The following LARS2 variants were observed in gnomAD, a reference collection of about 807,000 sequenced individuals.
LARS2 encodes leucine--tRNA ligase, mitochondrial.
LARS2 carries 81 observed loss-of-function variants against 116.6 expected under a neutral mutation model. The ratio of observed to expected loss-of-function variants is 0.69; its 90% CI spans 0.58 to 0.84. The LOEUF is 0.84. Ranked by LOEUF, LARS2 falls within the 40% of genes least tolerant of loss-of-function variation. The probability of loss-of-function intolerance (pLI) is 0.00; values close to 1 mark genes in which losing one functional copy is unlikely to be tolerated. For missense variants in LARS2, 968 were observed against 1,114.5 expected, an observed-to-expected ratio of 0.87 and a Z score of 1.87; for synonymous variants, 396 against 407.2, an observed-to-expected ratio of 0.97 and a Z score of 0.33.
intron 6 of LARS2, among the ~76,000 whole-genome samples, chr3:45,442,769 TCC>T (rs2125701634): frequency 6.6e-6 from 1 of 152,314 alleles, no homozygotes; most frequent in Non-Finnish European, 1.5e-5. Flanking sequence ...CCTCCATCTT[TCC>T]ACTTTTGCTC....
chr3:45,431,705 C>CA (rs35013437), intron 6 of LARS2, among the ~76,000 whole-genome samples: 34,816 of 137,198 alleles, frequency 0.25, 4,257 homozygotes, highest in Middle Eastern at 0.39. Flanking sequence ...ATTTTACTAC[C>CA]AAAAAAAAAA....
intron 16 of LARS2, 135 bp downstream of exon 16, chr3:45,513,370 C>CT: frequency 1.5e-6 from 1 of 659,884 alleles, no homozygotes; most frequent in Non-Finnish European, 2.7e-6. Flanking sequence ...TGTGAGGTCT[C>CT]TAAGCCTCAG....
intron 8 of LARS2, among the ~76,000 whole-genome samples, chr3:45,461,996 T>C (rs1239492258): frequency 6.6e-6 from 1 of 152,202 alleles, no homozygotes; most frequent in Non-Finnish European, 1.5e-5. Context: ...GGACATCTAT[T>C]TTAAAACCTG....
chr3:45,457,947 T>C (rs1259689908), intron 7 of LARS2, among the ~76,000 whole-genome samples: 2 of 152,190 alleles, frequency 1.3e-5, no homozygotes, highest in Non-Finnish European at 2.9e-5. Context: ...TCAGAAGAGC[T>C]ACCATTGTGG....
chr3:45,454,877 T>G (rs1433364219), intron 7 of LARS2, among the ~76,000 whole-genome samples: 1 of 152,150 alleles, frequency 6.6e-6, no homozygotes, highest in Non-Finnish European at 1.5e-5. Flanking sequence ...ACTCCAGGGC[T>G]TCAAGGGGTT....
At chr3:45,476,301 T>C (rs931550254) in intron 9 of LARS2, among the ~76,000 whole-genome samples, 167 bp from the exon 10 acceptor site, 1 of 152,092 alleles carries the variant, frequency 6.6e-6, no homozygotes, top group Non-Finnish European at 1.5e-5. Flanking sequence ...GATCCTCTTC[T>C]CAGCTTCTTC....
chr3:45,439,623 T>G (rs975041604), intron 6 of LARS2, among the ~76,000 whole-genome samples: 7 of 106,836 alleles, frequency 6.6e-5, no homozygotes, highest in Admixed American at 2.0e-4. Flanking sequence ...TATTTCTAAC[T>G]GTTTTTTTTT....
chr3:45,420,147 C>T (rs1377329301), intron 6 of LARS2, among the ~76,000 whole-genome samples: 1 of 152,114 alleles, frequency 6.6e-6, no homozygotes, highest in Admixed American at 6.5e-5. Flanking sequence ...TCATAACAGC[C>T]CATAATTATT....
chr3:45,416,997 C>G (rs942036036), intron 4 of LARS2, among the ~76,000 whole-genome samples: 1 of 150,948 alleles, frequency 6.6e-6, no homozygotes, highest in African/African-American at 2.4e-5. Context: ...TCGCTTGAAC[C>G]TGGGAGGTGG....
intron 14 of LARS2, among the ~76,000 whole-genome samples, chr3:45,496,890 A>G (rs1285668919): frequency 6.6e-6 from 1 of 152,268 alleles, no homozygotes; most frequent in African/African-American, 2.4e-5. Context: ...GTAAATCCCA[A>G]GTACAACACA....
chr3:45,511,479 CCA>C (rs1460256692), intron 15 of LARS2, among the ~76,000 whole-genome samples: 1 of 152,054 alleles, frequency 6.6e-6, no homozygotes, highest in Non-Finnish European at 1.5e-5. Context: ...GGGCTGAATG[CCA>C]GTTACACAAG....
At chr3:45,480,728 G>A (rs996196849) in intron 10 of LARS2, among the ~76,000 whole-genome samples, 5 of 152,278 alleles carry the variant, frequency 3.3e-5, no homozygotes, top group African/African-American at 4.8e-5. Context: ...TATAGCATGC[G>A]AGCTGCTACC....
intron 8 of LARS2, among the ~76,000 whole-genome samples, chr3:45,473,300 T>C (rs1347779623): frequency 6.6e-6 from 1 of 152,228 alleles, no homozygotes; most frequent in Non-Finnish European, 1.5e-5. Flanking sequence ...TATTGAATTA[T>C]TTTAAAGCAA....
chr3:45,411,141 T>C (rs1210243721), intron 4 of LARS2, among the ~76,000 whole-genome samples: 3 of 152,174 alleles, frequency 2.0e-5, no homozygotes, highest in Non-Finnish European at 2.9e-5. Context: ...CTGACACAGA[T>C]AGTATGCCTG....
intron 6 of LARS2, among the ~76,000 whole-genome samples, chr3:45,445,115 TG>T (rs1287221387): frequency 6.6e-6 from 1 of 152,176 alleles, no homozygotes; most frequent in Non-Finnish European, 1.5e-5. Context: ...TGTAATAATT[TG>T]AATTTTGTGG....
At chr3:45,505,908 T>C (rs1264669981) in intron 15 of LARS2, among the ~76,000 whole-genome samples, 1 of 152,078 alleles carries the variant, frequency 6.6e-6, no homozygotes, top group Admixed American at 6.6e-5. Flanking sequence ...AGTTTAAGAC[T>C]ATATTCAAGC....
intron 6 of LARS2, among the ~76,000 whole-genome samples, chr3:45,432,198 C>G (rs764856309): frequency 1.3e-5 from 2 of 152,040 alleles, no homozygotes; most frequent in Non-Finnish European, 2.9e-5. Flanking sequence ...ATAGACAGTT[C>G]CACAGTAATA....
chr3:45,547,092 C>T (rs111802769), intron 21 of LARS2, among the ~76,000 whole-genome samples: 29 of 152,270 alleles, frequency 1.9e-4, no homozygotes, highest in African/African-American at 6.5e-4. Context: ...AAATGCAAGG[C>T]GGTCCTCACT....
rs1054776650 is a variant in LARS2, at chr3:45,401,068, C to T, written c.363+695C>T. 3.0e-4 allele frequency among the ~76,000 whole-genome samples: 45 copies of T among 152,144 alleles called. 1 individual carries two copies. The highest frequency in any genetic ancestry group is 2.9e-3 in the Admixed American group (45 of 15,280). ...CCTCGTGATCCGCCCACCTTGGCCT[C>T]CCAAAGTGCTGTGATTACAGGTGTG... On this transcript the variant is annotated intron_variant, in intron 4 of 21. Transcript: ENST00000645846.
Sources: allele counts gnomAD v4.1 joint callset (sites outside exome capture counted in the v4.1 genomes callset), GRCh38; gene constraint gnomAD v4.1.1; transcripts MANE v1.5; gene names NCBI Gene and HGNC (gene_info 2026-07-23, HGNC 2026-07-21).